RPRD2: variants seen among roughly 807,000 people sequenced by gnomAD.
RPRD2 encodes the protein regulation of nuclear pre-mRNA domain containing 2.
In RPRD2, 12 loss-of-function variants were observed where a neutral mutation model predicts 104.4. That is an observed-to-expected ratio of 0.11 (90% CI 0.07 to 0.19). RPRD2 has a LOEUF of 0.19. Among genes scored for constraint, RPRD2 ranks in the 10% least tolerant of loss-of-function variants. The pLI is 1.00. For missense variants in RPRD2, 1,543 were observed against 1,790.1 expected (o/e 0.86, Z 2.49); for synonymous variants, 714 against 684.9 (o/e 1.04, Z -0.66).
intron 7 of RPRD2, among the ~76,000 whole-genome samples, chr1:150,448,512 T>A (rs1028495065): frequency 6.6e-6 from 1 of 152,158 alleles, no homozygotes; most frequent in Non-Finnish European, 1.5e-5. Flanking sequence ...AATATTTACA[T>A]TCTGTTCTAT....
intron 7 of RPRD2, among the ~76,000 whole-genome samples, chr1:150,449,299 G>A (rs961652313): frequency 1.3e-5 from 2 of 152,064 alleles, no homozygotes; most frequent in Non-Finnish European, 2.9e-5. Context: ...TTTGCAAAGA[G>A]CATATAGTTG....
At chr1:150,438,298 AAAG>A (rs1553893617) in intron 2 of RPRD2, among the ~76,000 whole-genome samples, 3 of 151,120 alleles carry the variant, frequency 2.0e-5, no homozygotes, top group Admixed American at 1.3e-4. Context: ...CAAGAAAAGA[AAAG>A]AAAAAAAGTC....
intron 1 of RPRD2, among the ~76,000 whole-genome samples, chr1:150,397,549 T>C (rs1662626912): frequency 6.6e-6 from 1 of 152,212 alleles, no homozygotes; most frequent in South Asian, 2.1e-4. Context: ...CAGAATGTCA[T>C]GTAAATGGAG....
intron 10 of RPRD2, among the ~76,000 whole-genome samples, chr1:150,470,114 T>C (rs1447160270): frequency 6.6e-6 from 1 of 152,038 alleles, no homozygotes; most frequent in Non-Finnish European, 1.5e-5. Flanking sequence ...GGTTGAAGGT[T>C]GGTTTGAAGG....
intron 10 of RPRD2, among the ~76,000 whole-genome samples, chr1:150,468,544 T>C (rs1668423285): frequency 6.6e-6 from 1 of 151,838 alleles, no homozygotes; most frequent in African/African-American, 2.4e-5. Flanking sequence ...CATTCTAGTG[T>C]TTGAGGACTT....
chr1:150,453,125 C>T (rs913161537), intron 7 of RPRD2, among the ~76,000 whole-genome samples: 9 of 151,744 alleles, frequency 5.9e-5, no homozygotes, highest in Non-Finnish European at 1.2e-4. Flanking sequence ...CTCTGTCTCC[C>T]GGGTTCAAGC....
chr1:150,382,146 T>C (rs1661183764), intron 1 of RPRD2, among the ~76,000 whole-genome samples: 1 of 152,200 alleles, frequency 6.6e-6, no homozygotes, highest in Non-Finnish European at 1.5e-5. Flanking sequence ...ATTCTTCCGA[T>C]TAATCCTGCG....
intron 1 of RPRD2, among the ~76,000 whole-genome samples, chr1:150,369,233 G>A (rs1444588157): frequency 6.6e-6 from 1 of 152,144 alleles, no homozygotes; most frequent in Non-Finnish European, 1.5e-5. Flanking sequence ...GACTTGATGT[G>A]CAATTTGCCC....
chr1:150,398,913 CAG>C (rs1234430026), intron 1 of RPRD2, among the ~76,000 whole-genome samples: 1 of 152,078 alleles, frequency 6.6e-6, no homozygotes, highest in Admixed American at 6.6e-5. Flanking sequence ...AAAATGTTAA[CAG>C]ATGATATTTT....
In RPRD2 at chr1:150,440,946, T is replaced by G; in HGVS notation, c.359T>G (p.Val120Gly). 1 of 1,572,004 alleles carries G rather than the reference T, an allele frequency of 6.4e-7. No individual in the cohort carries two copies. Residue 120 changes from valine to glycine, a missense_variant, in exon 3 of 11, where the codon GTA becomes GGA. Val to Gly is a moderately radical substitution (Grantham distance 109). Coordinates refer to ENST00000369068, the MANE Select transcript of RPRD2 (RefSeq NM_015203.5). ...LVKDPSVSKS[V>G]ERIFKIWEDR... ...AGGGATCCATCTGTCTCTAAGTCTG[T>G]AGAACGAATCTTTAAAATCTGGGAA...
At chr1:150,402,649 C>A (rs1258625202) in intron 1 of RPRD2, among the ~76,000 whole-genome samples, 1 of 151,778 alleles carries the variant, frequency 6.6e-6, no homozygotes, top group African/African-American at 2.4e-5. Context: ...ACACTCCAGC[C>A]TAGGCAACAA....
At chr1:150,393,713 A>G (rs1553883636) in intron 1 of RPRD2, among the ~76,000 whole-genome samples, 1 of 152,116 alleles carries the variant, frequency 6.6e-6, no homozygotes, top group African/African-American at 2.4e-5. Flanking sequence ...TACAATGCCA[A>G]CAAAGTTGTA....
rs369763984 is a variant in RPRD2, at chr1:150,472,330, T to G, written c.3382T>G (p.Trp1128Gly). Residue 1128 changes from tryptophan (W) to glycine (G), a missense_variant, in exon 11 of 11, where the codon TGG becomes GGG. Transcript: ENST00000369068. ...TGGGCGTGAGGCTTCAAGGGTGGGT[T>G]GGTTTGATCTGAGCACATCAGGTAG... ...GHGREASRVG[W>G]FDLSTSGSSF... The G allele has an allele frequency of 6.8e-6, 11 of 1,613,788 alleles. No individual in the cohort carries two copies. The highest frequency in any genetic ancestry group is 8.5e-6 in the Non-Finnish European group (10 of 1,179,886).
chr1:150,422,830 G>A (rs587654736), intron 2 of RPRD2, among the ~76,000 whole-genome samples: 1 of 152,248 alleles, frequency 6.6e-6, no homozygotes, highest in Non-Finnish European at 1.5e-5. Context: ...GATTTCACTT[G>A]ATTAAAAATT....
intron 6 of RPRD2, among the ~76,000 whole-genome samples, chr1:150,444,739 G>A (rs773023957): frequency 1.4e-3 from 218 of 152,190 alleles, no homozygotes; most frequent in Non-Finnish European, 2.7e-3. Flanking sequence ...TATAATGTAA[G>A]CCTCATGAAG....
rs1668151116 is a variant in RPRD2 at position 150,464,660 on chromosome 1, G to A, written c.1545G>A (p.Glu515=). The part of the protein sequence containing the change: ...NPLANILSKV[E]ITPESILSAL... ...TGGCAAATATCCTCTCCAAGGTGGA[G>A]ATCACCCCAGAGAGCATTCTGTCTG... The change falls in exon 10 of 11, where the codon GAG becomes GAA. Residue 515 remains glutamate (E), a synonymous_variant. Transcript: ENST00000369068. The A allele has an allele frequency of 6.2e-7, 1 of 1,612,908 alleles. No individual in the cohort carries two copies. Among genetic ancestry groups the A allele is most frequent in the African/African-American group, 1.3e-5 (1 of 74,804 alleles).
rs1185670305 is a variant in RPRD2, at chr1:150,476,535, T to C, written c.*3201T>C. 3 of 152,234 alleles carry C rather than the reference T, an allele frequency of 2.0e-5. No individual in the cohort carries two copies. The highest frequency in any genetic ancestry group is 2.9e-5 in the Non-Finnish European group (2 of 68,040). The allele number at this position is 152,234 out of a possible 1,614,324, so 9.4% of individuals were successfully genotyped here. A position where few individuals can be genotyped will look rare whatever the true frequency, so the allele number is the denominator to read the frequency against. ...AATGAAATCCTTTTGAAATGTGTGT[T>C]AATATCGTTTAATAAAATAACTAGT... On this transcript the variant is annotated 3_prime_UTR_variant, in exon 11 of 11. Transcript: ENST00000369068.
Position 150,446,172 on chromosome 1 carries a change from A to C in RPRD2, c.695-54A>C, listed in dbSNP as rs147800893. On this transcript the variant is annotated intron_variant, in intron 6 of 10. Transcript: ENST00000369068. ...GTTTTCTTCAAAAGTCAAAAGACTA[A>C]ATTTTTTTATTTTTTATTTTATCCT... 4,130 of 1,344,072 alleles carry C rather than the reference A, an allele frequency of 3.1e-3. 8 individuals are homozygous for C. Among genetic ancestry groups the C allele is most frequent in the Non-Finnish European group, 3.7e-3 (3,705 of 1,005,580 alleles). 83.3% of individuals were successfully genotyped at this position (1,344,072 alleles called of 1,614,324 possible).
Position 150,470,945 on chromosome 1 carries a change from C to G in RPRD2, c.1997C>G (p.Pro666Arg). 1 of 1,614,010 alleles carries G rather than the reference C, an allele frequency of 6.2e-7. No individual in the cohort carries two copies. Among genetic ancestry groups the G allele is most frequent in the Non-Finnish European group, 8.5e-7 (1 of 1,179,894 alleles). Residue 666 changes from proline (P) to arginine (R), a missense_variant, in exon 11 of 11, where the codon CCA (proline) becomes CGA (arginine). Coordinates refer to ENST00000369068, the MANE Select transcript of RPRD2 (RefSeq NM_015203.5). ...AAGCTGGAGTCAGAGTCCACCTCCC[C>G]AAGCCTGGAAATGAAGATTCACAAC... is the stretch of plus-strand genomic sequence containing the variant. ...KPKLESESTS[P>R]SLEMKIHNFL... is the part of the protein sequence containing the mutation.
Sources: allele counts gnomAD v4.1 joint callset (sites outside exome capture counted in the v4.1 genomes callset), GRCh38; gene constraint gnomAD v4.1.1; transcripts MANE v1.5; gene names NCBI Gene and HGNC (gene_info 2026-07-23, HGNC 2026-07-21).